Variants in COL25A1 observed in about 807,000 individuals in gnomAD.
The protein encoded by COL25A1 is collagen alpha-1(XXV) chain.
Under a neutral mutation model 128.4 loss-of-function variants are expected in COL25A1, and 103 were observed. The observed-to-expected ratio is 0.80, with a 90% CI of 0.68 to 0.94. The LOEUF is 0.94. COL25A1 is among the 40% of genes least tolerant of loss of function. The pLI is 0.00. For missense variants in COL25A1, 745 were observed against 840.0 expected (o/e 0.89, Z 1.40); for synonymous variants, 279 against 277.2 (o/e 1.01, Z -0.06).
chr4:108,981,372 TAG>T (rs1435829320), intron 6 of COL25A1, among the ~76,000 whole-genome samples: 1 of 152,260 alleles, frequency 6.6e-6, no homozygotes, highest in Non-Finnish European at 1.5e-5. Flanking sequence ...AGTTGTTTTA[TAG>T]ACTTTCAACT....
chr4:109,105,032 A>G (rs1408241294), intron 3 of COL25A1, among the ~76,000 whole-genome samples: 2 of 152,228 alleles, frequency 1.3e-5, no homozygotes, highest in Non-Finnish European at 2.9e-5. Flanking sequence ...TCTACCTTGG[A>G]TTGTCTTCAA....
chr4:108,959,783 A>T (rs1750466382), intron 8 of COL25A1, among the ~76,000 whole-genome samples: 2 of 152,144 alleles, frequency 1.3e-5, no homozygotes, highest in African/African-American at 4.8e-5. Context: ...TGTACTGGTG[A>T]CATAGCAAGC....
chr4:108,821,617 C>T (rs898363368), intron 35 of COL25A1, among the ~76,000 whole-genome samples: 4 of 152,120 alleles, frequency 2.6e-5, no homozygotes, highest in African/African-American at 9.7e-5. Context: ...AGAAAAATGT[C>T]ATATGAATGT....
At chr4:108,867,891 T>C (rs1157282188) in intron 20 of COL25A1, among the ~76,000 whole-genome samples, 1 of 152,096 alleles carries the variant, frequency 6.6e-6, no homozygotes, top group African/African-American at 2.4e-5. Context: ...CATATATATA[T>C]ATTTTTTTGC....
chr4:108,922,920 G>A (rs1203766178), intron 11 of COL25A1, among the ~76,000 whole-genome samples: 1 of 152,128 alleles, frequency 6.6e-6, no homozygotes, highest in Non-Finnish European at 1.5e-5. Flanking sequence ...TCTCTGGCAG[G>A]AAAAATGGTA....
chr4:108,963,313 A>G (rs1750935091), intron 8 of COL25A1, among the ~76,000 whole-genome samples: 1 of 152,234 alleles, frequency 6.6e-6, no homozygotes, highest in East Asian at 1.9e-4. Flanking sequence ...TACAAAAATA[A>G]TGGTGGTAAT....
At chr4:109,137,242 A>C (rs1252009338) in intron 3 of COL25A1, among the ~76,000 whole-genome samples, 1 of 152,208 alleles carries the variant, frequency 6.6e-6, no homozygotes, top group East Asian at 1.9e-4. Flanking sequence ...AAATGTTCCT[A>C]TTTGCAATTT....
At chr4:108,832,501 T>A in intron 31 of COL25A1, 68 bp from the exon 32 acceptor site, 1 of 1,087,142 alleles carries the variant, frequency 9.2e-7, no homozygotes, top group African/African-American at 1.6e-5. Flanking sequence ...TTATCCTGGA[T>A]TTTTCCTAGG....
At chr4:108,925,184 C>G (rs3983297) in intron 11 of COL25A1, among the ~76,000 whole-genome samples, 2,973 of 152,090 alleles carry the variant, frequency 0.02, 97 homozygotes, top group African/African-American at 0.066. Context: ...TCAGTGAGCA[C>G]TCAAAACAAA....
chr4:109,064,995 G>A (rs1427475309), intron 3 of COL25A1, among the ~76,000 whole-genome samples: 2 of 152,180 alleles, frequency 1.3e-5, no homozygotes, highest in African/African-American at 2.4e-5. Flanking sequence ...AGTAAGGAGG[G>A]CAGTCAGCCC....
chr4:108,823,898 T>C (rs1266699514), intron 35 of COL25A1: 25 of 1,385,602 alleles, frequency 1.8e-5, no homozygotes, highest in Non-Finnish European at 2.2e-5. Flanking sequence ...AAATCCTTTA[T>C]TTTTCCATAA....
chr4:109,041,807 T>C (rs1465046634), intron 5 of COL25A1, among the ~76,000 whole-genome samples: 2 of 152,122 alleles, frequency 1.3e-5, no homozygotes, highest in Admixed American at 6.6e-5. Context: ...GTGCCCAAGA[T>C]AGCCTTGGAA....
intron 3 of COL25A1, among the ~76,000 whole-genome samples, chr4:109,171,999 C>T (rs1163447903): frequency 6.6e-6 from 1 of 152,036 alleles, no homozygotes; most frequent in Non-Finnish European, 1.5e-5. Flanking sequence ...AAGTGTTGCC[C>T]CTTCAAGGGG....
At chr4:109,194,306 C>T (rs1055572072) in intron 3 of COL25A1, among the ~76,000 whole-genome samples, 7 of 152,146 alleles carry the variant, frequency 4.6e-5, no homozygotes, top group East Asian at 3.8e-4. Context: ...ACTCCTTCTA[C>T]GATGTCATAT....
intron 3 of COL25A1, among the ~76,000 whole-genome samples, chr4:109,138,670 T>G (rs572859469): frequency 8.7e-4 from 121 of 138,844 alleles, no homozygotes; most frequent in Non-Finnish European, 1.7e-3. Context: ...CTTTTTTGGT[T>G]GTTGTTGTTT....
chr4:109,091,594 C>A (rs1203905489), intron 3 of COL25A1, among the ~76,000 whole-genome samples: 1 of 152,094 alleles, frequency 6.6e-6, no homozygotes, highest in African/African-American at 2.4e-5. Context: ...CCATGCACAG[C>A]AATAGAGTTC....
chr4:109,039,573 C>T (rs902199987), intron 5 of COL25A1, among the ~76,000 whole-genome samples: 1 of 152,190 alleles, frequency 6.6e-6, no homozygotes, highest in Non-Finnish European at 1.5e-5. Flanking sequence ...ATATTCTCTA[C>T]TGTCCTCCCA....
chr4:109,145,066 GCT>G (rs2126092098), intron 3 of COL25A1, among the ~76,000 whole-genome samples: 2 of 133,584 alleles, frequency 1.5e-5, no homozygotes, highest in Admixed American at 1.7e-4. Flanking sequence ...TAAAACCTCA[GCT>G]TTTTTTTTTT....
intron 5 of COL25A1, among the ~76,000 whole-genome samples, chr4:109,014,260 C>G (rs3108322): frequency 6.6e-6 from 1 of 151,762 alleles, no homozygotes. Flanking sequence ...TGAGCTGAGA[C>G]TGTGCCACTG....
Sources: allele counts gnomAD v4.1 joint callset (sites outside exome capture counted in the v4.1 genomes callset), GRCh38; gene constraint gnomAD v4.1.1; transcripts MANE v1.5; gene names NCBI Gene and HGNC (gene_info 2026-07-23, HGNC 2026-07-21).